RGPD1: variants seen among roughly 807,000 people sequenced by gnomAD.
The protein encoded by RGPD1 is RANBP2-like and GRIP domain-containing protein 1.
A neutral mutation model predicts 40.6 loss-of-function variants in RGPD1; 7 were observed. The observed-to-expected ratio is 0.17, with a 90% CI of 0.10 to 0.32. The LOEUF (loss-of-function observed/expected upper bound fraction) is 0.32, where lower values mean the gene tolerates loss of function less well. RGPD1 is among the 10% of genes least tolerant of loss of function. RGPD1 has a pLI of 1.00. For synonymous variants in RGPD1, 24 were observed against 167.0 expected (o/e 0.14, Z 6.60); for missense variants, 50 against 472.5 (o/e 0.11, Z 8.29).
chr2:86,923,519 G>GT (rs781467890), intron 1 of RGPD1, among the ~76,000 whole-genome samples: 2,806 of 143,760 alleles, frequency 0.02, 34 homozygotes, highest in African/African-American at 0.03. Flanking sequence ...TCCTTGTGCG[G>GT]TTTTTTTTTT....
At chr2:86,929,532 A>G (rs921458342) in intron 1 of RGPD1, among the ~76,000 whole-genome samples, 92 of 151,506 alleles carry the variant, frequency 6.1e-4, no homozygotes, top group Non-Finnish European at 8.0e-4. Context: ...AGTGCTTTAC[A>G]TGAATTGTTT....
intron 1 of RGPD1, among the ~76,000 whole-genome samples, chr2:86,944,788 G>A (rs888596991): frequency 6.6e-6 from 1 of 150,406 alleles, no homozygotes; most frequent in Non-Finnish European, 1.5e-5. Context: ...GCTCACTGCA[G>A]CGTTGACGTC....
chr2:86,998,590 C>CATGTCAGA (rs1681884875), intron 22 of RGPD1, among the ~76,000 whole-genome samples: 1 of 62,422 alleles, frequency 1.6e-5, no homozygotes, highest in South Asian at 9.2e-4. Flanking sequence ...AGTTGGTTTC[C>CATGTCAGA]ATGTCAGATG....
upstream of RGPD1, among the ~76,000 whole-genome samples, chr2:86,937,261 A>G (rs1297355425): frequency 7.7e-6 from 1 of 130,162 alleles, no homozygotes; most frequent in African/African-American, 3.5e-5. Context: ...GAATGATGAT[A>G]AGGAGACACT....
intron 1 of RGPD1, among the ~76,000 whole-genome samples, chr2:86,942,664 G>A (rs1201547005): frequency 7.1e-6 from 1 of 140,996 alleles, no homozygotes; most frequent in South Asian, 2.1e-4. Flanking sequence ...GCCGGGCGGC[G>A]GCGGCGGCCT....
chr2:86,942,570 C>T (rs1451960405), intron 1 of RGPD1, among the ~76,000 whole-genome samples: 1 of 129,596 alleles, frequency 7.7e-6, no homozygotes, highest in African/African-American at 2.9e-5. Context: ...CGTGGCCCGG[C>T]GGCGGCCTCG....
intron 1 of RGPD1, among the ~76,000 whole-genome samples, chr2:86,923,239 ATGT>A (rs1678165466): frequency 6.6e-6 from 1 of 151,004 alleles, no homozygotes. Flanking sequence ...GGGTTTCACC[ATGT>A]TGGCCAGGCT....
intron 1 of RGPD1, among the ~76,000 whole-genome samples, chr2:86,923,372 G>GT (rs1281930146): frequency 7.3e-5 from 11 of 151,172 alleles, no homozygotes; most frequent in South Asian, 2.1e-4. Context: ...GTCCAAATAT[G>GT]TTTTTTTAAA....
At chr2:86,951,873 GTTTTTTTTTTTTTTT>G (rs71269535) in intron 2 of RGPD1, among the ~76,000 whole-genome samples, 1 of 50,982 alleles carries the variant, frequency 2.0e-5, no homozygotes, top group South Asian at 9.7e-4. Context: ...GGGAGGCAGG[GTTTTTTTTTTTTTTT>G]TTTTTTTTTT....
chr2:86,941,931 C>G (rs1441701343), upstream of RGPD1, among the ~76,000 whole-genome samples: 1 of 151,834 alleles, frequency 6.6e-6, no homozygotes, highest in Non-Finnish European at 1.5e-5. Flanking sequence ...AGGCTGGTCT[C>G]CAACTCATGA....
intron 6 of RGPD1, among the ~76,000 whole-genome samples, chr2:86,962,530 AAAAG>A (rs1276015377): frequency 4.0e-5 from 5 of 123,614 alleles, no homozygotes; most frequent in Admixed American, 7.3e-5. Flanking sequence ...AAAAAAAAAA[AAAAG>A]ACAATTTATT....
At chr2:86,960,738 C>T (rs1299715877) in intron 6 of RGPD1, among the ~76,000 whole-genome samples, 3 of 87,316 alleles carry the variant, frequency 3.4e-5, no homozygotes, top group Non-Finnish European at 6.1e-5. Flanking sequence ...TACAGGTGCC[C>T]GCCACCACAC....
At chr2:86,944,124 C>G (rs1210124292) in intron 1 of RGPD1, among the ~76,000 whole-genome samples, 1 of 152,116 alleles carries the variant, frequency 6.6e-6, no homozygotes, top group South Asian at 2.1e-4. Flanking sequence ...TTTTGCGCTT[C>G]CAGCAACCCT....
At chr2:86,943,884 C>A (rs1415800115) in intron 1 of RGPD1, among the ~76,000 whole-genome samples, 1 of 151,976 alleles carries the variant, frequency 6.6e-6, no homozygotes, top group Middle Eastern at 3.2e-3. Context: ...CGTGGTGGTG[C>A]ACACCTGTAG....
At chr2:86,955,061 C>T (rs1353385318) in intron 4 of RGPD1, among the ~76,000 whole-genome samples, 25 of 15,638 alleles carry the variant, frequency 1.6e-3, no homozygotes, top group African/African-American at 4.3e-3. Flanking sequence ...AGTTCACTGG[C>T]GCAATCTCGG....
At chr2:86,913,948 GCC>G (rs1677567815) in intron 1 of RGPD1, 1 of 1,332,592 alleles carries the variant, frequency 7.5e-7, no homozygotes, top group Non-Finnish European at 1.0e-6. Flanking sequence ...GAGACCGACG[GCC>G]TCGACCTGGC....
rs577521618 is a variant in RGPD1, at chr2:86,927,169, C to T, written c.72+13248C>T. On this transcript the variant is annotated intron_variant, in intron 1 of 22. Coordinates refer to the RGPD1 transcript ENST00000398193. ...AGATTGGAGTACACTTTTTGCTCCA[C>T]ACAATATCTGGTGTGTAAATTGGTA... Among the ~76,000 whole-genome samples, 448 of 151,824 alleles carry T rather than the reference C, an allele frequency of 3.0e-3. 4 individuals are homozygous for T. The highest frequency in any genetic ancestry group is 0.01 in the African/African-American group (425 of 41,374).
chr2:86,914,253 G>GCGGCCT (rs1268560685), intron 1 of RGPD1, among the ~76,000 whole-genome samples: 2 of 96,348 alleles, frequency 2.1e-5, no homozygotes, highest in Admixed American at 9.5e-5. Flanking sequence ...GGCGGCGGCG[G>GCGGCCT]CGGCCTCGGC....
upstream of RGPD1, among the ~76,000 whole-genome samples, chr2:86,941,901 G>A (rs1016046692): frequency 1.1e-4 from 17 of 151,766 alleles, no homozygotes; most frequent in African/African-American, 3.9e-4. Flanking sequence ...TAGTAGAGAT[G>A]GGTTTTCGCC....
Sources: allele counts gnomAD v4.1 joint callset (sites outside exome capture counted in the v4.1 genomes callset), GRCh38; gene constraint gnomAD v4.1.1; transcripts MANE v1.5; gene names NCBI Gene and HGNC (gene_info 2026-07-23, HGNC 2026-07-21).